Variants in FGF1 observed in about 807,000 individuals in gnomAD.
The protein encoded by FGF1 is fibroblast growth factor 1.
A neutral mutation model predicts 13.4 loss-of-function variants in FGF1; 9 were observed. That is an observed-to-expected ratio of 0.67 (90% confidence interval 0.40 to 1.17). The LOEUF (loss-of-function observed/expected upper bound fraction) is 1.17. Ranked by LOEUF, FGF1 falls within the 50% of genes most tolerant of loss-of-function variation. The pLI, the probability that FGF1 is intolerant of heterozygous loss-of-function variation, is 0.01. For synonymous variants in FGF1, 93 were observed against 79.0 expected (o/e 1.18, Z -0.94); for missense variants, 156 against 192.7 (o/e 0.81, Z 1.13).
At position 142,643,540 on chromosome 5, in the gene FGF1, C is replaced by G. The variant is rs1765529353; in HGVS notation, c.-34-29379G>C. On this transcript the variant is annotated intron_variant, in intron 1 of 3. Coordinates refer to ENST00000337706, the MANE Select transcript of FGF1 (RefSeq NM_000800.5). ...CCCTGAGTTACTGGCTAAAGTTCCT[C>G]ACTCAAGTCTCCCTCTAGGAAAATA... is the stretch of plus-strand genomic sequence containing the variant. 4.6e-5 allele frequency among the ~76,000 whole-genome samples: 7 copies of G among 152,306 alleles called. No homozygotes were observed. In the South Asian group the frequency reaches 1.2e-3, roughly 27 times the overall value.
At chr5:142,650,394 C>T (rs1427453178) in intron 1 of FGF1, among the ~76,000 whole-genome samples, 1 of 152,212 alleles carries the variant, frequency 6.6e-6, no homozygotes, top group Non-Finnish European at 1.5e-5. Flanking sequence ...ATAACCTGGC[C>T]TCACCACTCA....
In FGF1 at chr5:142,614,171, A is replaced by C; in HGVS notation, c.-34-10T>G. The C allele has an allele frequency of 6.2e-7, 1 of 1,608,428 alleles. No homozygotes were observed. Among genetic ancestry groups the C allele is most frequent in the Non-Finnish European group, 8.5e-7 (1 of 1,175,890 alleles). On this transcript the variant is annotated splice_polypyrimidine_tract_variant and intron_variant, in intron 1 of 3. Coordinates refer to ENST00000337706, the MANE Select transcript of FGF1 (RefSeq NM_000800.5). ...TGTGGCGCTTTCAAGACTGTAAGAA[A>C]TTGAACAAACCTGTAGTCGGTTCTT... is the stretch of plus-strand genomic sequence containing the variant.
At chr5:142,617,100 C>CA (rs1454024926) in intron 1 of FGF1, among the ~76,000 whole-genome samples, 4 of 152,336 alleles carry the variant, frequency 2.6e-5, no homozygotes, top group African/African-American at 7.2e-5. Context: ...TGTGGTGGCT[C>CA]ATGCCTGCAA....
At position 142,592,476 on chromosome 5, in the gene FGF1, C is replaced by T. The variant is rs1754444960; in HGVS notation, c.*2814G>A. ...CAAGGAAACCAATACCTACCTCCAC[C>T]ACCATCACATTGCAAACGACCAAAA... On this transcript the variant is annotated 3_prime_UTR_variant, in exon 4 of 4. Coordinates refer to ENST00000337706, the MANE Select transcript of FGF1 (RefSeq NM_000800.5). 5.0e-6 allele frequency: 2 copies of T among 398,406 alleles called. No homozygotes were observed. The highest frequency in any genetic ancestry group is 8.8e-6 in the Non-Finnish European group (2 of 225,990). 24.7% of individuals were successfully genotyped at this position (398,406 alleles called of 1,614,324 possible).
intron 1 of FGF1, among the ~76,000 whole-genome samples, chr5:142,669,058 T>C (rs1171021827): frequency 2.0e-5 from 3 of 152,254 alleles, no homozygotes; most frequent in African/African-American, 7.2e-5. Flanking sequence ...CCAGCATGCA[T>C]GGCTGATGCC....
At position 142,624,289 on chromosome 5, in the gene FGF1, A is replaced by G. The variant is rs568207751; in HGVS notation, c.-34-10128T>C. Among the ~76,000 whole-genome samples the G allele has an allele frequency of 3.0e-4, 45 of 152,168 alleles. No homozygotes were observed. In the South Asian group the frequency reaches 9.4e-3, roughly 32 times the overall value. On this transcript the variant is annotated intron_variant, in intron 1 of 3. Transcript: ENST00000337706. ...ACTGTGTTACCCAGGCTGGTCTTAA[A>G]CTTCTAGGCTCAAGCAATCCTCCCA...
chr5:142,691,809 A>G (rs1246010531), intron 2 of FGF1, among the ~76,000 whole-genome samples: 2 of 152,240 alleles, frequency 1.3e-5, no homozygotes, highest in African/African-American at 4.8e-5. Flanking sequence ...TGCCTGGCAT[A>G]TAGTGGGTGT....
At chr5:142,693,278 T>A (rs922459270) in intron 2 of FGF1, among the ~76,000 whole-genome samples, 9 of 152,090 alleles carry the variant, frequency 5.9e-5, no homozygotes, top group African/African-American at 1.9e-4. Flanking sequence ...TTGGGTTTTT[T>A]AAATTATTTA....
chr5:142,695,162 A>T (rs562920083), intron 2 of FGF1, among the ~76,000 whole-genome samples: 25 of 152,352 alleles, frequency 1.6e-4, no homozygotes, highest in African/African-American at 6.0e-4. Flanking sequence ...GCTAAATGGG[A>T]TAATAGCAGT....
At chr5:142,658,382 C>T (rs1057380992) in intron 1 of FGF1, among the ~76,000 whole-genome samples, 2 of 152,232 alleles carry the variant, frequency 1.3e-5, no homozygotes, top group South Asian at 2.1e-4. Context: ...TCTGTTCATG[C>T]CTTGCCCCTG....
chr5:142,614,205 G>C lies in FGF1; in HGVS notation c.-34-44C>G. On this transcript the variant is annotated intron_variant, in intron 1 of 3. Transcript: ENST00000337706. The stretch of plus-strand genomic sequence containing the variant: ...ACCTGTAGTCGGTTCTTCCAGCAAA[G>C]GCACAAAATGCACTTTGAAGAGAGG... The C allele has an allele frequency of 6.0e-6, 9 of 1,500,856 alleles. No homozygotes were observed. In the South Asian group the frequency reaches 1.1e-4, roughly 18 times the overall value. 93.0% of individuals were successfully genotyped at this position (1,500,856 alleles called of 1,614,324 possible).
rs145221190 is a variant in FGF1, at chr5:142,617,692, A to G, written c.-34-3531T>C. 2.1e-3 allele frequency among the ~76,000 whole-genome samples: 318 copies of G among 152,326 alleles called. 1 individual carries two copies. Among genetic ancestry groups the G allele is most frequent in the Non-Finnish European group, 3.3e-3 (222 of 68,048 alleles). On this transcript the variant is annotated intron_variant, in intron 1 of 3. Coordinates refer to ENST00000337706, the MANE Select transcript of FGF1 (RefSeq NM_000800.5). Reference sequence around the variant, plus strand: ...TGAAAATAAGCCTGGAGTCAACATGAAACTGACAGACCATGGTAACTGAGA... The same window carrying G: ...TGAAAATAAGCCTGGAGTCAACATGGAACTGACAGACCATGGTAACTGAGA...
At chr5:142,631,749 T>C (rs1340357541) in intron 1 of FGF1, among the ~76,000 whole-genome samples, 1 of 151,780 alleles carries the variant, frequency 6.6e-6, no homozygotes, top group Non-Finnish European at 1.5e-5. Flanking sequence ...TCTCAACTCA[T>C]TCCTTACTTT....
intron 1 of FGF1, among the ~76,000 whole-genome samples, chr5:142,657,960 A>G (rs1400891907): frequency 6.6e-6 from 1 of 152,154 alleles, no homozygotes; most frequent in Non-Finnish European, 1.5e-5. Context: ...TCTGCCTCAC[A>G]TTCTACCCAG....
intron 2 of FGF1, among the ~76,000 whole-genome samples, chr5:142,612,187 G>A (rs1759202627): frequency 6.6e-6 from 1 of 152,214 alleles, no homozygotes; most frequent in East Asian, 1.9e-4. Flanking sequence ...GACATCTTAA[G>A]TCAGGCGGCC....
At chr5:142,604,743 T>C (rs2282796) in intron 2 of FGF1, among the ~76,000 whole-genome samples, 12,806 of 152,208 alleles carry the variant, frequency 0.084, 946 homozygotes, top group East Asian at 0.25. Flanking sequence ...TTTTATGCAA[T>C]GTTATACTTC....
intron 1 of FGF1, among the ~76,000 whole-genome samples, chr5:142,622,297 T>A (rs993169579): frequency 6.6e-6 from 1 of 152,242 alleles, no homozygotes; most frequent in Non-Finnish European, 1.5e-5. Context: ...CAAATACCTA[T>A]GCATTATTAG....
At chr5:142,660,808 A>T (rs1009019103) in intron 1 of FGF1, among the ~76,000 whole-genome samples, 3 of 152,230 alleles carry the variant, frequency 2.0e-5, no homozygotes, top group Non-Finnish European at 4.4e-5. Flanking sequence ...TCTATCTGCC[A>T]GGCCTAGCCC....
At chr5:142,608,872 G>T (rs1384275851) in intron 2 of FGF1, among the ~76,000 whole-genome samples, 1 of 151,574 alleles carries the variant, frequency 6.6e-6, no homozygotes, top group East Asian at 1.9e-4. Context: ...GTTGTGGGGA[G>T]GAGGGCAAGG....
Sources: gnomAD v4.1 joint callset for allele counts (sites outside exome capture counted in the v4.1 genomes callset) on GRCh38, gnomAD v4.1.1 for gene constraint, MANE v1.5 for transcripts, NCBI Gene and HGNC (gene_info 2026-07-23, HGNC 2026-07-21) for gene names.